Variants in ME3 observed in about 807,000 individuals in gnomAD.
ME3 encodes the protein malic enzyme 3, also known as NADP-dependent malic enzyme, mitochondrial.
A neutral mutation model predicts 68.9 loss-of-function variants in ME3; 48 were observed. The ratio of observed to expected loss-of-function variants is 0.70; its 90% CI spans 0.55 to 0.89. The LOEUF (loss-of-function observed/expected upper bound fraction) is 0.89, where lower values mean the gene tolerates loss of function less well. Among genes scored for constraint, ME3 ranks in the 40% least tolerant of loss-of-function variants. The pLI, the probability that ME3 is intolerant of heterozygous loss-of-function variation, is 0.00. For missense variants in ME3, 675 were observed against 797.4 expected (o/e 0.85, Z 1.85); for synonymous variants, 320 against 318.8 (o/e 1.00, Z -0.04).
chr11:86,547,641 A>G (rs1292605543), intron 4 of ME3, among the ~76,000 whole-genome samples: 1 of 151,936 alleles, frequency 6.6e-6, no homozygotes, highest in Non-Finnish European at 1.5e-5. Context: ...AAAATAAAAT[A>G]AAAAATAATT....
chr11:86,568,165 T>C (rs1402933563), intron 2 of ME3, among the ~76,000 whole-genome samples: 3 of 152,238 alleles, frequency 2.0e-5, no homozygotes, highest in Admixed American at 2.0e-4. Context: ...TATTTTAACC[T>C]AATACCCTTG....
In ME3 at chr11:86,619,011, G is replaced by C. The variant is rs151140562; in HGVS notation, c.183+52751C>G. Among the ~76,000 whole-genome samples, 4 of 152,226 alleles carry C rather than the reference G, an allele frequency of 2.6e-5. No homozygotes were observed. The East Asian group carries it at 7.8e-4, about 30-fold the overall frequency. ...GGCATAAGCCACCGTGCCTGGCCAA[G>C]ATCTGGTCATTTCTAAGTGTGTGGC... On this transcript the variant is annotated intron_variant, in intron 2 of 14. Coordinates refer to ENST00000543262, the Ensembl canonical transcript of ME3.
At position 86,464,015 on chromosome 11, in the gene ME3, G is replaced by A. The variant is rs1020650337; in HGVS notation, c.919+1076C>T. ...GAACAGTGCCCGACATACAATAAGC[G>A]TTCAGCGATTAACCTTAGCTGTTAT... On this transcript the variant is annotated intron_variant, in intron 8 of 14. Transcript: ENST00000543262. 1.8e-5 allele frequency: 7 copies of A among 384,814 alleles called. No individual in the cohort carries two copies. The Middle Eastern group carries it at 1.1e-3, about 60-fold the overall frequency. 23.8% of individuals were successfully genotyped at this position (384,814 alleles called of 1,614,324 possible). A position where few individuals can be genotyped will look rare whatever the true frequency, so the allele number is the denominator to read the frequency against.
At chr11:86,652,366 G>A (rs1385902756) in intron 2 of ME3, among the ~76,000 whole-genome samples, 2 of 152,192 alleles carry the variant, frequency 1.3e-5, no homozygotes, top group Non-Finnish European at 2.9e-5. Context: ...TACCCACAAA[G>A]GGAAGCCCAT....
chr11:86,545,045 T>G (rs1315772549), intron 4 of ME3, among the ~76,000 whole-genome samples: 3 of 152,058 alleles, frequency 2.0e-5, no homozygotes, highest in Admixed American at 6.6e-5. Context: ...ACGTAATCCA[T>G]CACGTAAACA....
chr11:86,448,331 CTG>C (rs1416097162), intron 10 of ME3, 76 bp from the exon 11 acceptor site: 1 of 1,113,404 alleles, frequency 9.0e-7, no homozygotes, highest in Non-Finnish European at 1.4e-6. Context: ...TTTGGAAACT[CTG>C]AGAGCGTTTC....
intron 2 of ME3, among the ~76,000 whole-genome samples, chr11:86,630,567 G>A (rs1943950617): frequency 6.6e-6 from 1 of 152,222 alleles, no homozygotes; most frequent in Admixed American, 6.5e-5. Flanking sequence ...ATAATTTTAG[G>A]TAAAAACCAA....
In ME3 at chr11:86,596,852, A is replaced by G. The variant is rs1483204829; in HGVS notation, c.184-37029T>C. ...CTGTAATTTTCCCTCTTTTTTCTTT[A>G]TATTTTCCATTTTCCCTGTCAGAAC... is the stretch of plus-strand genomic sequence containing the variant. On this transcript the variant is annotated intron_variant, in intron 2 of 14. Transcript: ENST00000543262. Among the ~76,000 whole-genome samples the G allele has an allele frequency of 3.3e-5, 5 of 152,044 alleles. No individual in the cohort carries two copies. The East Asian group carries it at 9.6e-4, about 29-fold the overall frequency.
At chr11:86,564,839 T>C (rs2139503460) in intron 2 of ME3, among the ~76,000 whole-genome samples, 1 of 152,208 alleles carries the variant, frequency 6.6e-6, no homozygotes, top group South Asian at 2.1e-4. Context: ...AAAAATTAGG[T>C]AAACTGGACT....
At chr11:86,458,669 C>A (rs1223879774) in intron 8 of ME3, among the ~76,000 whole-genome samples, 1 of 151,940 alleles carries the variant, frequency 6.6e-6, no homozygotes, top group Admixed American at 6.6e-5. Flanking sequence ...TTAAAGAGAC[C>A]AGGGGAAGTT....
intron 2 of ME3, among the ~76,000 whole-genome samples, chr11:86,622,485 T>C (rs1007239074): frequency 5.9e-5 from 9 of 152,006 alleles, no homozygotes; most frequent in Non-Finnish European, 1.5e-5. Context: ...GTAGATCTGA[T>C]AGATTACTGA....
chr11:86,583,781 T>C (rs561847750), intron 2 of ME3, among the ~76,000 whole-genome samples: 2 of 152,170 alleles, frequency 1.3e-5, no homozygotes, highest in Non-Finnish European at 2.9e-5. Flanking sequence ...TATCCACATG[T>C]AAAATAATGA....
In ME3 at chr11:86,670,184, G is replaced by A. The variant is rs184279573; in HGVS notation, c.183+1578C>T. On this transcript the variant is annotated intron_variant, in intron 2 of 14. Transcript: ENST00000543262. ...GGCAGAAGGATTCGCTTTCTGAGGC[G>A]TCAGAGAAAGGGTATTTTCTCTTCC... 5.0e-4 allele frequency among the ~76,000 whole-genome samples: 76 copies of A among 152,292 alleles called. 1 individual carries two copies. Among genetic ancestry groups the A allele is most frequent in the Admixed American group, 4.0e-3 (61 of 15,306 alleles).
chr11:86,626,348 G>T (rs1241841136), intron 2 of ME3, among the ~76,000 whole-genome samples: 1 of 152,224 alleles, frequency 6.6e-6, no homozygotes, highest in Non-Finnish European at 1.5e-5. Context: ...CCCAGGGAAT[G>T]CTTCTTCACC....
intron 2 of ME3, among the ~76,000 whole-genome samples, chr11:86,646,113 G>C (rs970418071): frequency 6.6e-6 from 1 of 152,182 alleles, no homozygotes; most frequent in Non-Finnish European, 1.5e-5. Context: ...GGGCAAAAAG[G>C]CTGAAAATGC....
chr11:86,629,863 T>C (rs1270987165), intron 2 of ME3, among the ~76,000 whole-genome samples: 1 of 152,160 alleles, frequency 6.6e-6, no homozygotes, highest in East Asian at 1.9e-4. Flanking sequence ...GAACTTGTGA[T>C]TGAAATTGGA....
At chr11:86,668,386 A>G (rs1946707943) in intron 2 of ME3, 1 of 152,136 alleles carries the variant, frequency 6.6e-6, no homozygotes, top group Non-Finnish European at 1.5e-5. Context: ...CTATTTTTCT[A>G]TTTCATTCTA....
chr11:86,644,859 C>T (rs1457537761), intron 2 of ME3, among the ~76,000 whole-genome samples: 2 of 152,286 alleles, frequency 1.3e-5, no homozygotes, highest in South Asian at 2.1e-4. Flanking sequence ...AGCTGAGGTA[C>T]CTGGCTCATC....
At chr11:86,555,942 C>A (rs1956903049) in intron 4 of ME3, among the ~76,000 whole-genome samples, 2 of 152,070 alleles carry the variant, frequency 1.3e-5, no homozygotes, top group South Asian at 4.1e-4. Context: ...AGGCACCTTG[C>A]ACCAAGGACT....
Sources: gnomAD v4.1 joint callset for allele counts (sites outside exome capture counted in the v4.1 genomes callset) on GRCh38, gnomAD v4.1.1 for gene constraint, MANE v1.5 for transcripts, NCBI Gene and HGNC (gene_info 2026-07-23, HGNC 2026-07-21) for gene names.